The following CNGB3 variants were observed in gnomAD, a reference collection of about 807,000 sequenced individuals.
CNGB3 encodes the protein cyclic nucleotide-gated channel beta-3.
Under a neutral mutation model 92.8 loss-of-function variants are expected in CNGB3, and 86 were observed. The observed-to-expected ratio is 0.93, with a 90% confidence interval of 0.78 to 1.11. The LOEUF (loss-of-function observed/expected upper bound fraction) is 1.11, where lower values mean the gene tolerates loss of function less well. Among genes scored for constraint, CNGB3 ranks in the 50% least tolerant of loss-of-function variants. CNGB3 has a pLI of 0.00. For missense variants in CNGB3, 1,026 were observed against 956.8 expected (o/e 1.07, Z -0.95); for synonymous variants, 333 against 332.7 (o/e 1.00, Z -0.01).
intron 3 of CNGB3, among the ~76,000 whole-genome samples, chr8:86,672,449 G>A (rs961125905): frequency 2.6e-5 from 4 of 152,180 alleles, no homozygotes; most frequent in Non-Finnish European, 4.4e-5. Context: ...ATGGAGCATA[G>A]AGTAGACATT....
In CNGB3 at chr8:86,586,638, C is replaced by T. The variant is rs528846662; in HGVS notation, c.1782-7386G>A. Among the ~76,000 whole-genome samples the T allele has an allele frequency of 2.5e-3, 379 of 151,664 alleles. 10 individuals carry two copies. In the South Asian group the frequency reaches 0.029, roughly 11 times the overall value. On this transcript the variant is annotated intron_variant, in intron 15 of 17. Coordinates refer to ENST00000320005, the MANE Select transcript of CNGB3 (RefSeq NM_019098.5). The stretch of plus-strand genomic sequence containing the variant: ...TACTGAGAATGATTATTTCCAATTT[C>T]ATCCATGTCCCTACAAAGGACATGA...
chr8:86,599,866 G>T (rs1405405448), intron 15 of CNGB3, among the ~76,000 whole-genome samples: 1 of 151,778 alleles, frequency 6.6e-6, no homozygotes, highest in East Asian at 1.9e-4. Flanking sequence ...CCTCCATTTG[G>T]CTTGTGATAT....
At chr8:86,660,622 T>C (rs1823620471) in intron 6 of CNGB3, 1 of 533,948 alleles carries the variant, frequency 1.9e-6, no homozygotes, top group African/African-American at 1.9e-5. Context: ...TGGCTTTGCC[T>C]CTGACTAAGA....
intron 6 of CNGB3, chr8:86,661,480 G>A (rs1158773090): frequency 3.3e-6 from 2 of 614,262 alleles, no homozygotes; most frequent in Admixed American, 3.8e-5. Context: ...TCTTTCATAA[G>A]TCCATCTGAA....
chr8:86,743,373 A>G (rs752755973), intron 1 of CNGB3, 126 bp downstream of exon 1: 108 of 1,009,608 alleles, frequency 1.1e-4, no homozygotes, highest in Non-Finnish European at 1.4e-4. Context: ...AGCCCGACAC[A>G]GTACATGTAC....
chr8:86,702,036 A>T (rs1343524622), intron 3 of CNGB3, among the ~76,000 whole-genome samples: 5 of 152,326 alleles, frequency 3.3e-5, no homozygotes, highest in Non-Finnish European at 7.4e-5. Flanking sequence ...ACAGCCCTGT[A>T]TTCTTTTTGT....
rs777636370 is a variant in CNGB3, at chr8:86,739,660, A to G, written c.206T>C (p.Ile69Thr). Residue 69 changes from isoleucine to threonine, a missense_variant, in exon 2 of 18, where the codon ATA becomes ACA. By Grantham distance (89) the Ile-to-Thr change is moderately conservative. Transcript: ENST00000320005. The part of the protein sequence containing the change: ...PVTSEEPHTN[I>T]QDKLSKKNSS... ...TTTTCAGACTGCATTCTGACCTTGT[A>G]TGTTGGTGTGTGGCTCTTCAGACGT... is the stretch of plus-strand genomic sequence containing the variant. 23 of 1,518,698 alleles carry G rather than the reference A, an allele frequency of 1.5e-5. No individual in the cohort carries two copies. In the Admixed American group the frequency reaches 1.9e-4, roughly 12 times the overall value. The allele number at this position is 1,518,698 out of a possible 1,614,324, so 94.1% of individuals were successfully genotyped here. A position where few individuals can be genotyped will look rare whatever the true frequency, so the allele number is the denominator to read the frequency against.
intron 15 of CNGB3, among the ~76,000 whole-genome samples, chr8:86,589,411 G>T (rs1821973305): frequency 6.6e-6 from 1 of 150,570 alleles, no homozygotes; most frequent in Non-Finnish European, 1.5e-5. Flanking sequence ...TGCTTCTCTA[G>T]TTCTTTTAAT....
At chr8:86,741,824 A>C (rs898791391) in intron 1 of CNGB3, among the ~76,000 whole-genome samples, 12 of 152,228 alleles carry the variant, frequency 7.9e-5, no homozygotes, top group African/African-American at 2.9e-4. Context: ...GAAAGGAAAG[A>C]TAACTCTTTA....
chr8:86,659,542 G>A (rs2131608114), intron 6 of CNGB3: 1 of 587,828 alleles, frequency 1.7e-6, no homozygotes, highest in African/African-American at 1.9e-5. Flanking sequence ...TCTCTCCTTG[G>A]TTAACTCTTT....
At chr8:86,615,160 T>A (rs958147471) in intron 13 of CNGB3, among the ~76,000 whole-genome samples, 1 of 152,176 alleles carries the variant, frequency 6.6e-6, no homozygotes, top group African/African-American at 2.4e-5. Flanking sequence ...TTTGGTTTCC[T>A]CAGGGGTCCT....
chr8:86,706,321 A>G (rs1472339033), intron 3 of CNGB3, among the ~76,000 whole-genome samples: 1 of 152,214 alleles, frequency 6.6e-6, no homozygotes, highest in African/African-American at 2.4e-5. Flanking sequence ...TACATGAACC[A>G]TATGTTACAT....
In CNGB3 at chr8:86,628,907, T is replaced by C. The variant is rs745411490; in HGVS notation, c.1480+12A>G. The C allele has an allele frequency of 1.9e-6, 3 of 1,613,102 alleles. No individual in the cohort carries two copies. In the African/African-American group the frequency reaches 4.0e-5, roughly 22 times the overall value. ...GTTTACAGGAATTTAATCGGTAATC[T>C]GCCATGCTTACCTAGCATTCTTTGA... On this transcript the variant is annotated intron_variant, in intron 12 of 17. Transcript: ENST00000320005.
chr8:86,674,941 T>TTTGTTGTTG (rs79993104), intron 3 of CNGB3, among the ~76,000 whole-genome samples: 4 of 149,226 alleles, frequency 2.7e-5, no homozygotes, highest in African/African-American at 1.0e-4. Context: ...TTTCTCTCTT[T>TTTGTTGTTG]TTGTTGTTGT....
rs1821624186 is a variant in CNGB3 at position 86,574,599 on chromosome 8, C to G, written c.*1205G>C. 1 of 152,010 alleles carries G rather than the reference C, an allele frequency of 6.6e-6. No individual in the cohort carries two copies. The highest frequency in any genetic ancestry group is 2.4e-5 in the African/African-American group (1 of 41,370). The allele number at this position is 152,010 out of a possible 1,614,324, so 9.4% of individuals were successfully genotyped here. ...TTTGGCTAATATGATTTGTTAAAAC[C>G]CTCTCAGCAAAGTGCTGTTACAGTG... On this transcript the variant is annotated 3_prime_UTR_variant, in exon 18 of 18. Coordinates refer to ENST00000320005, the MANE Select transcript of CNGB3 (RefSeq NM_019098.5).
At chr8:86,671,175 C>A in intron 3 of CNGB3, 77 bp from the exon 4 acceptor site, 2 of 1,499,964 alleles carry the variant, frequency 1.3e-6, no homozygotes, top group Non-Finnish European at 1.8e-6. Flanking sequence ...ATCTTTTCAC[C>A]TTCCTTATAT....
In CNGB3 at chr8:86,689,021, CTT is replaced by C. The variant is rs56138081; in HGVS notation, c.339-17925_339-17924del. Among the ~76,000 whole-genome samples, 142 of 148,044 alleles carry C rather than the reference CTT, an allele frequency of 9.6e-4. 1 individual carries two copies. The highest frequency in any genetic ancestry group is 3.4e-3 in the Middle Eastern group (1 of 290). The stretch of plus-strand genomic sequence containing the variant: ...ATTTGCTTCAAGCAATTTTTAAATT[CTT>C]TTTTTTTTTTATTAACCCATGGGTC... On this transcript the variant is annotated intron_variant, in intron 3 of 17. Transcript: ENST00000320005.
intron 3 of CNGB3, among the ~76,000 whole-genome samples, chr8:86,695,338 G>A (rs1023890326): frequency 2.8e-5 from 4 of 144,720 alleles, no homozygotes; most frequent in Admixed American, 1.4e-4. Flanking sequence ...GAGGGAGAGG[G>A]AGAGCCTTTG....
At position 86,643,767 on chromosome 8, in the gene CNGB3, C is replaced by T. The variant is rs267602031; in HGVS notation, c.1162G>A (p.Asp388Asn). Residue 388 changes from aspartate to asparagine, a missense_variant, in exon 10 of 18, where the codon GAT becomes AAT. By Grantham distance (23) the Asp-to-Asn change is conservative (BLOSUM62 1). Transcript: ENST00000320005. ...EGIGTTRWVY[D>N]GEGNEYLRCY... ...AGAACTTACTCGTTTCCTTCCCCAT[C>T]ATACACCCATCTAGTAGTGCCAATT... The T allele has an allele frequency of 1.2e-6, 2 of 1,605,652 alleles. No individual in the cohort carries two copies. The highest frequency in any genetic ancestry group is 2.7e-5 in the African/African-American group (2 of 73,792).
Sources: allele counts gnomAD v4.1 joint callset (sites outside exome capture counted in the v4.1 genomes callset), GRCh38; gene constraint gnomAD v4.1.1; transcripts MANE v1.5; gene names NCBI Gene and HGNC (gene_info 2026-07-23, HGNC 2026-07-21).